SENP6: variants seen among roughly 807,000 people sequenced by gnomAD.
SENP6 encodes sentrin-specific protease 6.
SENP6 carries 41 observed loss-of-function variants against 134.5 expected under a neutral mutation model. The observed-to-expected ratio is 0.30, with a 90% CI of 0.24 to 0.40. The LOEUF is 0.40. Among genes scored for constraint, SENP6 ranks in the 10% least tolerant of loss-of-function variants. SENP6 has a pLI of 1.00. For missense variants in SENP6, 1,248 were observed against 1,312.5 expected, an observed-to-expected ratio of 0.95 and a Z score of 0.76; for synonymous variants, 395 against 429.8, an observed-to-expected ratio of 0.92 and a Z score of 1.00.
intron 6 of SENP6, among the ~76,000 whole-genome samples, chr6:75,644,475 CTTT>C (rs71002753): frequency 7.0e-6 from 1 of 143,476 alleles, no homozygotes; most frequent in Non-Finnish European, 1.5e-5. Flanking sequence ...TTCTTTCTTT[CTTT>C]TTTTTTTTTT....
chr6:75,628,810 C>A (rs745788710), intron 3 of SENP6, among the ~76,000 whole-genome samples: 1 of 152,096 alleles, frequency 6.6e-6, no homozygotes, highest in Admixed American at 6.5e-5. Flanking sequence ...GCCTCTTCCT[C>A]CTAGGCTCAA....
chr6:75,695,967 C>T, intron 17 of SENP6, 44 bp downstream of exon 17: 5 of 1,504,034 alleles, frequency 3.3e-6, no homozygotes, highest in South Asian at 1.3e-5. Context: ...AAGTCACTCA[C>T]ATTTAACTAA....
intron 16 of SENP6, among the ~76,000 whole-genome samples, chr6:75,687,789 C>T (rs999653365): frequency 6.6e-6 from 1 of 152,154 alleles, no homozygotes; most frequent in Non-Finnish European, 1.5e-5. Context: ...AGAGGGGCAG[C>T]TGCCTATGTG....
At chr6:75,615,212 G>C (rs1257637725) in intron 1 of SENP6, among the ~76,000 whole-genome samples, 1 of 151,826 alleles carries the variant, frequency 6.6e-6, no homozygotes, top group Non-Finnish European at 1.5e-5. Flanking sequence ...TTTGAGTCTT[G>C]CTGTGTCGCG....
At chr6:75,694,352 T>C (rs544551353) in intron 16 of SENP6, among the ~76,000 whole-genome samples, 1 of 152,380 alleles carries the variant, frequency 6.6e-6, no homozygotes, top group African/African-American at 2.4e-5. Context: ...TTTTCTATTT[T>C]CATAAAAAAT....
chr6:75,628,951 C>G (rs888783282), intron 3 of SENP6, among the ~76,000 whole-genome samples: 1 of 152,158 alleles, frequency 6.6e-6, no homozygotes, highest in Middle Eastern at 3.2e-3. Context: ...CTTGGAACTC[C>G]TGACCTCAAG....
intron 1 of SENP6, among the ~76,000 whole-genome samples, chr6:75,615,304 C>T (rs980108945): frequency 1.3e-4 from 20 of 152,100 alleles, no homozygotes; most frequent in African/African-American, 3.1e-4. Flanking sequence ...GTCAGCCTCC[C>T]GAGTAGCTGG....
At chr6:75,666,158 TG>T (rs1772209485) in intron 9 of SENP6, among the ~76,000 whole-genome samples, 14 of 133,914 alleles carry the variant, frequency 1.0e-4, no homozygotes, top group Admixed American at 9.3e-4. Context: ...AAAACATATA[TG>T]ATATATATAT....
At chr6:75,706,722 A>G (rs1775427086) in intron 19 of SENP6, among the ~76,000 whole-genome samples, 1 of 152,228 alleles carries the variant, frequency 6.6e-6, no homozygotes, top group Non-Finnish European at 1.5e-5. Context: ...CTCTGAAACA[A>G]ATGTTTCACA....
In SENP6 at chr6:75,687,124, T is replaced by C. The variant is rs1773898775; in HGVS notation, c.2075+8197T>C. 2.6e-5 allele frequency among the ~76,000 whole-genome samples: 4 copies of C among 152,178 alleles called. No individual in the cohort carries two copies. In the South Asian group the frequency reaches 8.3e-4, roughly 32 times the overall value. On this transcript the variant is annotated intron_variant, in intron 16 of 23. Coordinates refer to ENST00000447266, the MANE Select transcript of SENP6 (RefSeq NM_015571.4). ...TTACTTTTTTTTCTCTAACCTTGTC[T>C]TCTCACTTTATTTCATTAATTTGAC...
At position 75,703,738 on chromosome 6, in the gene SENP6, G is replaced by A. The variant is rs531860966; in HGVS notation, c.2716+666G>A. Among the ~76,000 whole-genome samples, 409 of 151,974 alleles carry A rather than the reference G, an allele frequency of 2.7e-3. 2 individuals carry two copies. Among genetic ancestry groups the A allele is most frequent in the African/African-American group, 9.5e-3 (395 of 41,450 alleles). ...GATCGCACCACTGCAGTCCAGCCTGGGTGACAGAGTGAAACTCCATCTCAA... is the reference window on the plus strand; with the variant it reads ...GATCGCACCACTGCAGTCCAGCCTGAGTGACAGAGTGAAACTCCATCTCAA... On this transcript the variant is annotated intron_variant, in intron 19 of 23. Transcript: ENST00000447266.
At chr6:75,621,667 ACTT>A (rs2149829060) in intron 2 of SENP6, 42 bp downstream of exon 2, 2 of 1,200,442 alleles carry the variant, frequency 1.7e-6, no homozygotes, top group Non-Finnish European at 2.4e-6. Context: ...TAAGAATAAA[ACTT>A]CTCATTAGAA....
intron 1 of SENP6, among the ~76,000 whole-genome samples, chr6:75,615,701 CA>C (rs1382384073): frequency 1.3e-5 from 2 of 152,290 alleles, no homozygotes; most frequent in South Asian, 4.1e-4. Flanking sequence ...AGTTTAGGAT[CA>C]AGTATTCTGA....
At chr6:75,686,756 C>T (rs562708188) in intron 16 of SENP6, among the ~76,000 whole-genome samples, 12 of 152,264 alleles carry the variant, frequency 7.9e-5, no homozygotes, top group South Asian at 2.1e-4. Flanking sequence ...GGGTTTCTGC[C>T]GAGAGATCCA....
chr6:75,709,789 A>C (rs1775644929), intron 20 of SENP6, among the ~76,000 whole-genome samples, 159 bp downstream of exon 20: 1 of 152,114 alleles, frequency 6.6e-6, no homozygotes, highest in Admixed American at 6.6e-5. Flanking sequence ...GGGCAACATA[A>C]GGAAACTCCA....
chr6:75,688,607 C>G (rs1026660414), intron 16 of SENP6, among the ~76,000 whole-genome samples: 1 of 151,986 alleles, frequency 6.6e-6, no homozygotes, highest in Non-Finnish European at 1.5e-5. Context: ...ACCATTTTTC[C>G]TTTTGGTGTG....
chr6:75,682,147 A>T (rs1773507380), intron 16 of SENP6, among the ~76,000 whole-genome samples: 1 of 152,162 alleles, frequency 6.6e-6, no homozygotes, highest in Non-Finnish European at 1.5e-5. Context: ...ATCAAGAAGG[A>T]TGTTATGTAA....
intron 8 of SENP6, among the ~76,000 whole-genome samples, chr6:75,660,222 G>A (rs573957391): frequency 3.3e-5 from 5 of 152,134 alleles, no homozygotes; most frequent in South Asian, 2.1e-4. Flanking sequence ...AAATGATGCT[G>A]TAATCTTACT....
At chr6:75,670,204 C>A (rs553794777) in intron 10 of SENP6, among the ~76,000 whole-genome samples, 1 of 152,268 alleles carries the variant, frequency 6.6e-6, no homozygotes, top group African/African-American at 2.4e-5. Flanking sequence ...ATCTCGGCCT[C>A]CCAAAGTGCT....
Sources: allele counts gnomAD v4.1 joint callset (sites outside exome capture counted in the v4.1 genomes callset), GRCh38; gene constraint gnomAD v4.1.1; transcripts MANE v1.5; gene names NCBI Gene and HGNC (gene_info 2026-07-23, HGNC 2026-07-21).